Variants in ACO1 observed in about 807,000 individuals in gnomAD.
ACO1 encodes cytoplasmic aconitate hydratase.
Under a neutral mutation model 105.1 loss-of-function variants are expected in ACO1, and 78 were observed. The observed-to-expected ratio is 0.74, with a 90% CI of 0.62 to 0.90. ACO1 has a LOEUF of 0.90. Ranked by LOEUF, ACO1 falls within the 40% of genes least tolerant of loss-of-function variation. The pLI is 0.00. For missense variants in ACO1, 965 were observed against 1,111.1 expected, an observed-to-expected ratio of 0.87 and a Z score of 1.87; for synonymous variants, 364 against 397.4, an observed-to-expected ratio of 0.92 and a Z score of 1.00.
chr9:32,401,376 C>A (rs1821492375), intron 1 of ACO1, among the ~76,000 whole-genome samples: 1 of 151,218 alleles, frequency 6.6e-6, no homozygotes, highest in Admixed American at 6.6e-5. Flanking sequence ...CACTGGAGGG[C>A]AAATCAGCTG....
intron 1 of ACO1, among the ~76,000 whole-genome samples, chr9:32,387,418 A>G (rs1003627818): frequency 6.6e-6 from 1 of 152,192 alleles, no homozygotes; most frequent in Admixed American, 6.5e-5. Context: ...ACACCATGGA[A>G]ATTGGCAAAT....
At chr9:32,389,023 A>C (rs936597569) in intron 1 of ACO1, among the ~76,000 whole-genome samples, 2 of 152,226 alleles carry the variant, frequency 1.3e-5, no homozygotes, top group African/African-American at 4.8e-5. Context: ...AAAACATTTT[A>C]TTTAACAGTA....
At chr9:32,431,091 T>C (rs1822224786) in intron 14 of ACO1, among the ~76,000 whole-genome samples, 1 of 152,166 alleles carries the variant, frequency 6.6e-6, no homozygotes, top group Admixed American at 6.5e-5. Context: ...TATTTGTGAG[T>C]TCTATGTTTG....
chr9:32,385,463 A>G (rs772471135), intron 1 of ACO1, among the ~76,000 whole-genome samples: 1 of 152,222 alleles, frequency 6.6e-6, no homozygotes, highest in Non-Finnish European at 1.5e-5. Context: ...TGTTATATCT[A>G]TCCATATTTA....
intron 4 of ACO1, among the ~76,000 whole-genome samples, chr9:32,412,615 C>T (rs564436208): frequency 1.1e-3 from 167 of 152,278 alleles, no homozygotes; most frequent in Non-Finnish European, 1.2e-3. Flanking sequence ...TTGGAACAGA[C>T]CATGTACTCG....
chr9:32,446,853 C>T (rs922363431), intron 19 of ACO1, among the ~76,000 whole-genome samples: 2 of 152,038 alleles, frequency 1.3e-5, no homozygotes, highest in South Asian at 2.1e-4. Flanking sequence ...AAGCTTAGTT[C>T]GGCTGGATAT....
intron 4 of ACO1, among the ~76,000 whole-genome samples, chr9:32,414,018 A>G (rs1821797541): frequency 6.6e-6 from 1 of 151,986 alleles, no homozygotes; most frequent in Admixed American, 6.5e-5. Flanking sequence ...GTGTGGTGGC[A>G]GGCGCCTGTA....
chr9:32,405,932 C>T (rs1821600474), intron 2 of ACO1, among the ~76,000 whole-genome samples: 1 of 152,148 alleles, frequency 6.6e-6, no homozygotes, highest in Admixed American at 6.5e-5. Flanking sequence ...ATGACACATG[C>T]TCAGATCACA....
chr9:32,418,418 G>T lies in ACO1; in HGVS notation c.565G>T (p.Val189Leu), dbSNP rs371287650. ...QVNLEYLARV[V>L]FDQDGYYYPD... ...GAATTTGGAATATTTGGCAAGAGTG[G>T]TATTTGATCAGGATGGATATTATTA... The change falls in exon 6 of 21, where the codon GTA becomes TTA. Residue 189 changes from valine to leucine, a missense_variant. Coordinates refer to ENST00000309951, the MANE Select transcript of ACO1 (RefSeq NM_002197.3). 2.5e-6 allele frequency: 4 copies of T among 1,614,194 alleles called. No individual in the cohort carries two copies. In the African/African-American group the frequency reaches 5.3e-5, roughly 22 times the overall value.
chr9:32,416,884 G>A (rs898521759), intron 4 of ACO1, among the ~76,000 whole-genome samples: 1 of 152,214 alleles, frequency 6.6e-6, no homozygotes, highest in African/African-American at 2.4e-5. Flanking sequence ...GATGACAGTA[G>A]TATTTACATG....
chr9:32,445,648 T>C, intron 19 of ACO1: 1 of 257,470 alleles, frequency 3.9e-6, no homozygotes, highest in South Asian at 3.1e-5. Flanking sequence ...TTTCTTGCCT[T>C]CTGCTAGCTT....
chr9:32,404,377 G>A (rs72710641), intron 1 of ACO1, among the ~76,000 whole-genome samples: 95 of 152,214 alleles, frequency 6.2e-4, no homozygotes, highest in African/African-American at 2.2e-3. Context: ...TTGCCCGCCT[G>A]GTTACCTGCC....
In ACO1 at chr9:32,423,543, C is replaced by T. The variant is rs898685660; in HGVS notation, c.1071+124C>T. 4.3e-5 allele frequency: 31 copies of T among 719,268 alleles called. No individual in the cohort carries two copies. The East Asian group carries it at 4.8e-4, about 11-fold the overall frequency. The allele number at this position is 719,268 out of a possible 1,614,324, so 44.6% of individuals were successfully genotyped here. On this transcript the variant is annotated intron_variant, in intron 9 of 20. Transcript: ENST00000309951. ...TCACTGCCAAGGCATTACAAGAGAACGGAGTTTTAGAAGGTTGAAAAACCA... is the reference window on the plus strand; with the variant it reads ...TCACTGCCAAGGCATTACAAGAGAATGGAGTTTTAGAAGGTTGAAAAACCA...
intron 1 of ACO1, among the ~76,000 whole-genome samples, chr9:32,390,818 A>G (rs1400498092): frequency 2.0e-5 from 3 of 152,224 alleles, no homozygotes; most frequent in African/African-American, 7.2e-5. Context: ...TTCTAAAAAG[A>G]AAATGTTTTT....
chr9:32,429,697 A>G (rs1201930332), intron 13 of ACO1, among the ~76,000 whole-genome samples, 194 bp downstream of exon 13: 2 of 152,240 alleles, frequency 1.3e-5, no homozygotes, highest in African/African-American at 4.8e-5. Flanking sequence ...CTGGGTTTTC[A>G]CAACTGTATA....
chr9:32,452,451 G>C lies in ACO1; in HGVS notation c.*2340G>C, dbSNP rs1461021327. 6.6e-6 allele frequency: 1 copy of C among 152,300 alleles called. No homozygotes were observed. The highest frequency in any genetic ancestry group is 2.4e-5 in the African/African-American group (1 of 41,446). 9.4% of individuals were successfully genotyped at this position (152,300 alleles called of 1,614,324 possible). On this transcript the variant is annotated 3_prime_UTR_variant, in exon 21 of 21. Transcript: ENST00000309951. ...GCAAGAAGTCACCATCCGTGAACCA[G>C]AAAGTGGGTTCTCACCAGATACTGA...
intron 19 of ACO1, among the ~76,000 whole-genome samples, chr9:32,445,221 G>A (rs1455254050): frequency 6.6e-6 from 1 of 152,104 alleles, no homozygotes; most frequent in Non-Finnish European, 1.5e-5. Context: ...GGTAGAATTC[G>A]GCTGTGAATC....
chr9:32,402,347 C>G (rs1821515952), intron 1 of ACO1, among the ~76,000 whole-genome samples: 1 of 152,238 alleles, frequency 6.6e-6, no homozygotes, highest in Non-Finnish European at 1.5e-5. Context: ...TTTAGATACT[C>G]TGCCATCTCC....
rs113411014 is a variant in ACO1 at position 32,437,244 on chromosome 9, C to G, written c.2247+847C>G. 3.9e-3 allele frequency among the ~76,000 whole-genome samples: 592 copies of G among 152,234 alleles called. 4 individuals are homozygous for G. Among genetic ancestry groups the G allele is most frequent in the African/African-American group, 0.013 (551 of 41,540 alleles). The stretch of plus-strand genomic sequence containing the variant: ...GAGGTAGGTACCATGATTATCTGTG[C>G]TTTAAATTGAGAAGTGAAGCATAAA... On this transcript the variant is annotated intron_variant, in intron 18 of 20. Coordinates refer to ENST00000309951, the MANE Select transcript of ACO1 (RefSeq NM_002197.3).
Sources: gnomAD v4.1 joint callset for allele counts (sites outside exome capture counted in the v4.1 genomes callset) on GRCh38, gnomAD v4.1.1 for gene constraint, MANE v1.5 for transcripts, NCBI Gene and HGNC (gene_info 2026-07-23, HGNC 2026-07-21) for gene names.